The following DNAJC21 variants were observed in gnomAD, a reference collection of about 807,000 sequenced individuals.
DNAJC21 encodes DnaJ heat shock protein family (Hsp40) member C21.
Under a neutral mutation model 72.4 loss-of-function variants are expected in DNAJC21, and 63 were observed. The observed-to-expected ratio is 0.87, with a 90% CI of 0.71 to 1.07. The LOEUF (loss-of-function observed/expected upper bound fraction) is 1.07, where lower values mean the gene tolerates loss of function less well. DNAJC21 is among the 50% of genes least tolerant of loss of function. The pLI, the probability that DNAJC21 is intolerant of heterozygous loss-of-function variation, is 0.00. For missense variants in DNAJC21, 634 were observed against 644.8 expected (o/e 0.98, Z 0.18); for synonymous variants, 203 against 216.7 (o/e 0.94, Z 0.56).
chr5:34,930,165 A>G (rs1580519015), intron 1 of DNAJC21: 1 of 293,068 alleles, frequency 3.4e-6, no homozygotes, highest in South Asian at 9.2e-5. Flanking sequence ...TCGCCACTGT[A>G]GGGGGAAAAC....
rs1765600544 is a variant in DNAJC21 at position 34,958,640 on chromosome 5, A to C, written c.*3926A>C. 6.6e-6 allele frequency: 1 copy of C among 152,220 alleles called. No individual in the cohort carries two copies. The highest frequency in any genetic ancestry group is 1.5e-5 in the Non-Finnish European group (1 of 68,034). 9.4% of individuals were successfully genotyped at this position (152,220 alleles called of 1,614,324 possible). A position where few individuals can be genotyped will look rare whatever the true frequency, so the allele number is the denominator to read the frequency against. On this transcript the variant is annotated 3_prime_UTR_variant, in exon 12 of 12. Transcript: ENST00000648817. ...AATGTTTGCAATGCATGGAACTGTC[A>C]AAGGATTCGTATCTGGAATACATTA...
intron 9 of DNAJC21, among the ~76,000 whole-genome samples, chr5:34,946,850 A>C (rs1765188329): frequency 6.6e-6 from 1 of 152,174 alleles, no homozygotes; most frequent in Non-Finnish European, 1.5e-5. Context: ...GATTCTATTG[A>C]TTGCAACCAT....
chr5:34,948,044 TC>T (rs1348127166), intron 9 of DNAJC21, among the ~76,000 whole-genome samples: 1 of 151,770 alleles, frequency 6.6e-6, no homozygotes, highest in Non-Finnish European at 1.5e-5. Context: ...CCTTGACCCC[TC>T]CCCCAAAAAA....
At position 34,941,548 on chromosome 5, in the gene DNAJC21, A is replaced by AACTT. The variant is rs761815628; in HGVS notation, c.983+366_983+369dup. On this transcript the variant is annotated intron_variant, in intron 7 of 11. Coordinates refer to ENST00000648817, the MANE Select transcript of DNAJC21 (RefSeq NM_001012339.3). ...AAAAGGAGTAAGTTTAGTATCTCTG[A>AACTT]ACTTGTGTTTTCTTTTTTTTTTTTT... Among the ~76,000 whole-genome samples, 132 of 147,480 alleles carry AACTT rather than the reference A, an allele frequency of 9.0e-4. 2 individuals carry two copies. The Middle Eastern group carries it at 0.022, about 24-fold the overall frequency.
intron 11 of DNAJC21, 117 bp from the exon 12 acceptor site, chr5:34,954,436 T>G (rs1765472116): frequency 7.9e-7 from 1 of 1,264,962 alleles, no homozygotes; most frequent in Non-Finnish European, 1.1e-6. Flanking sequence ...ACCTGTCCAC[T>G]CTGTTAAAAC....
At chr5:34,936,459 C>T (rs911470816) in intron 4 of DNAJC21, among the ~76,000 whole-genome samples, 193 bp downstream of exon 4, 1 of 152,172 alleles carries the variant, frequency 6.6e-6, no homozygotes, top group Non-Finnish European at 1.5e-5. Flanking sequence ...GCTGGGAACA[C>T]AAGTGTGCGC....
Position 34,933,769 on chromosome 5 carries a change from T to C in DNAJC21, c.98-46T>C, listed in dbSNP as rs772840781. ...GATGGAAAATGTCTTATTTAGATTC[T>C]GTCCTGTACGTTTTTGATTGACTTA... On this transcript the variant is annotated intron_variant, in intron 1 of 11. Transcript: ENST00000648817. 3.3e-6 allele frequency: 5 copies of C among 1,500,132 alleles called. No individual in the cohort carries two copies. The African/African-American group carries it at 6.9e-5, about 21-fold the overall frequency. The allele number at this position is 1,500,132 out of a possible 1,614,324, so 92.9% of individuals were successfully genotyped here. A position where few individuals can be genotyped will look rare whatever the true frequency, so the allele number is the denominator to read the frequency against.
intron 1 of DNAJC21, among the ~76,000 whole-genome samples, chr5:34,931,762 G>C (rs562475683): frequency 6.6e-6 from 1 of 152,114 alleles, no homozygotes; most frequent in African/African-American, 2.4e-5. Context: ...GGACAGACAG[G>C]TAAGGGCCCA....
At chr5:34,954,354 C>T (rs1765470355) in intron 11 of DNAJC21, among the ~76,000 whole-genome samples, 199 bp from the exon 12 acceptor site, 1 of 152,030 alleles carries the variant, frequency 6.6e-6, no homozygotes, top group Admixed American at 6.5e-5. Flanking sequence ...GTCTCAGGAC[C>T]CTTAAAGTTA....
intron 10 of DNAJC21, 73 bp from the exon 11 acceptor site, chr5:34,953,853 A>G (rs1339689057): frequency 6.9e-6 from 8 of 1,152,404 alleles, no homozygotes; most frequent in Non-Finnish European, 9.9e-6. Context: ...TGAGTGTTCT[A>G]GAGAGCACTC....
chr5:34,944,821 G>A (rs183903599), intron 7 of DNAJC21, 46 bp from the exon 8 acceptor site: 104 of 1,607,118 alleles, frequency 6.5e-5, no homozygotes, highest in South Asian at 5.2e-4. Flanking sequence ...ATCTGGACAC[G>A]TGAACTAATT....
Position 34,929,715 on chromosome 5 carries a change from C to G in DNAJC21, c.-105C>G. 1 of 404,118 alleles carries G rather than the reference C, an allele frequency of 2.5e-6. No homozygotes were observed. The highest frequency in any genetic ancestry group is 3.4e-6 in the Non-Finnish European group (1 of 293,882). The allele number at this position is 404,118 out of a possible 1,614,324, so 25.0% of individuals were successfully genotyped here. ...GCTGGCCCGGTGCGGGCGGCGGACT[C>G]CCGCCGGAGAGGACTGCCAGCGCCG... On this transcript the variant is annotated 5_prime_UTR_variant, in exon 1 of 12. Coordinates refer to ENST00000648817, the MANE Select transcript of DNAJC21 (RefSeq NM_001012339.3).
chr5:34,941,323 A>G (rs1764982185), intron 7 of DNAJC21, 140 bp downstream of exon 7: 2 of 739,248 alleles, frequency 2.7e-6, no homozygotes, highest in Admixed American at 2.5e-5. Context: ...TCAGCCTCCC[A>G]AGTAGCTAGG....
At position 34,941,842 on chromosome 5, in the gene DNAJC21, C is replaced by T. The variant is rs1194464523; in HGVS notation, c.983+659C>T. Among the ~76,000 whole-genome samples the T allele has an allele frequency of 3.3e-5, 5 of 152,018 alleles. No individual in the cohort carries two copies. The East Asian group carries it at 9.7e-4, about 29-fold the overall frequency. ...TCGGCCTCCCAAAGTGTTGGGATTA[C>T]AGGCGTGAGCCACAGCGCCTGGCCC... On this transcript the variant is annotated intron_variant, in intron 7 of 11. Transcript: ENST00000648817.
intron 7 of DNAJC21, among the ~76,000 whole-genome samples, chr5:34,943,814 T>G (rs1218574251): frequency 6.6e-6 from 1 of 152,218 alleles, no homozygotes; most frequent in Non-Finnish European, 1.5e-5. Flanking sequence ...CAGTTTGAAT[T>G]TATTTCTTTT....
At chr5:34,929,996 C>G in intron 1 of DNAJC21, 80 bp downstream of exon 1, 1 of 1,184,062 alleles carries the variant, frequency 8.4e-7, no homozygotes, top group Middle Eastern at 2.4e-4. Flanking sequence ...CGGGCGGACT[C>G]CGCGGAGCCA....
chr5:34,945,603 G>T, intron 8 of DNAJC21, 158 bp from the exon 9 acceptor site: 1 of 600,812 alleles, frequency 1.7e-6, no homozygotes, highest in Non-Finnish European at 2.7e-6. Context: ...ATGACAATGT[G>T]AATACTTTAT....
At chr5:34,942,203 G>A (rs571038541) in intron 7 of DNAJC21, among the ~76,000 whole-genome samples, 1 of 152,252 alleles carries the variant, frequency 6.6e-6, no homozygotes, top group Non-Finnish European at 1.5e-5. Context: ...TCCCATGCAG[G>A]CTGATGCTGC....
chr5:34,954,820 A>G lies in DNAJC21; in HGVS notation c.*106A>G. The G allele has an allele frequency of 4.2e-6, 5 of 1,197,200 alleles. No homozygotes were observed. The highest frequency in any genetic ancestry group is 4.5e-5 in the South Asian group (2 of 44,158). The allele number at this position is 1,197,200 out of a possible 1,614,324, so 74.2% of individuals were successfully genotyped here. On this transcript the variant is annotated 3_prime_UTR_variant, in exon 12 of 12. Coordinates refer to ENST00000648817, the MANE Select transcript of DNAJC21 (RefSeq NM_001012339.3). Reference sequence around the variant, plus strand: ...ATTTCAGTGATCTGCAATTAATTACATTGTGGAAGATTATTTTTTATCTTG... The same window carrying G: ...ATTTCAGTGATCTGCAATTAATTACGTTGTGGAAGATTATTTTTTATCTTG...
Sources: gnomAD v4.1 joint callset for allele counts (sites outside exome capture counted in the v4.1 genomes callset) on GRCh38, gnomAD v4.1.1 for gene constraint, MANE v1.5 for transcripts, NCBI Gene and HGNC (gene_info 2026-07-23, HGNC 2026-07-21) for gene names.